The following CD59 variants were observed in gnomAD, a reference collection of about 807,000 sequenced individuals.
CD59 encodes the protein CD59 molecule (CD59 blood group).
In CD59, 3 loss-of-function variants were observed where a neutral mutation model predicts 7.0. The ratio of observed to expected loss-of-function variants is 0.43; its 90% CI spans 0.19 to 1.10. The LOEUF (loss-of-function observed/expected upper bound fraction) is 1.10, where lower values mean the gene tolerates loss of function less well. Ranked by LOEUF, CD59 falls within the 50% of genes least tolerant of loss-of-function variation. The pLI, the probability that CD59 is intolerant of heterozygous loss-of-function variation, is 0.29. For synonymous variants in CD59, 60 were observed against 62.0 expected, an observed-to-expected ratio of 0.97 and a Z score of 0.15; for missense variants, 143 against 151.0, an observed-to-expected ratio of 0.95 and a Z score of 0.28.
chr11:33,729,506 A>T (rs2252927), intron 1 of CD59, among the ~76,000 whole-genome samples: 27 of 151,020 alleles, frequency 1.8e-4, no homozygotes, highest in African/African-American at 6.6e-4. Flanking sequence ...ATCAGACACC[A>T]GGGCCTGTCG....
At position 33,706,533 on chromosome 11, in the gene CD59, G is replaced by C. The variant is rs1018875381; in HGVS notation, c.*3593C>G. ...ATTCTTTGAGGTAGACATAGAAAGT[G>C]AAAGTTCAGAAAGGGTTTAAAAAAA... On this transcript the variant is annotated 3_prime_UTR_variant, in exon 4 of 4. Transcript: ENST00000642928. 1 of 139,176 alleles carries C rather than the reference G, an allele frequency of 7.2e-6. No homozygotes were observed. The allele number at this position is 139,176 out of a possible 1,614,324, so 8.6% of individuals were successfully genotyped here. A position where few individuals can be genotyped will look rare whatever the true frequency, so the allele number is the denominator to read the frequency against.
chr11:33,720,371 G>A (rs1854001398), intron 2 of CD59, among the ~76,000 whole-genome samples: 2 of 152,122 alleles, frequency 1.3e-5, no homozygotes, highest in African/African-American at 4.8e-5. Flanking sequence ...GGAAGAGAAG[G>A]AAACTCTAGA....
chr11:33,710,283 G>A lies in CD59; in HGVS notation c.230C>T (p.Thr77Ile), dbSNP rs1853485378. 4 of 1,614,192 alleles carry A rather than the reference G, an allele frequency of 2.5e-6. No individual in the cohort carries two copies. The highest frequency in any genetic ancestry group is 3.4e-6 in the Non-Finnish European group (4 of 1,180,020). The change falls in exon 4 of 4, where the codon ACC (threonine) becomes ATC (isoleucine). Residue 77 changes from threonine (T) to isoleucine (I), a missense_variant. Coordinates refer to ENST00000642928, the MANE Select transcript of CD59 (RefSeq NM_000611.6). ...FEHCNFNDVT[T>I]RLRENELTYY... is the part of the protein sequence containing the mutation. ...CGTTAGCTCATTTTCCCTCAAGCGG[G>A]TTGTGACGTCGTTGAAATTGCAATG...
At position 33,706,281 on chromosome 11, in the gene CD59, T is replaced by G. The variant is rs945005584; in HGVS notation, c.*3845A>C. ...TATAAACAGGAAGCTTTAGTTTAGA[T>G]AAATAAGATTATCCATTACAAAAAT... On this transcript the variant is annotated 3_prime_UTR_variant, in exon 4 of 4. Coordinates refer to ENST00000642928, the MANE Select transcript of CD59 (RefSeq NM_000611.6). 6.6e-5 allele frequency: 10 copies of G among 152,182 alleles called. No individual in the cohort carries two copies. The highest frequency in any genetic ancestry group is 2.4e-4 in the African/African-American group (10 of 41,430). The allele number at this position is 152,182 out of a possible 1,614,324, so 9.4% of individuals were successfully genotyped here. A position where few individuals can be genotyped will look rare whatever the true frequency, so the allele number is the denominator to read the frequency against.
rs1378810269 is a variant in CD59, at chr11:33,736,267, C to G, written c.-19+115G>C. On this transcript the variant is annotated intron_variant, in intron 1 of 3. Transcript: ENST00000642928. The surrounding 1 kb of genome is among the most constrained non-coding windows in gnomAD (Gnocchi z 4.4). ...CTCGGGAGGCTCGCCCGGCAGGGGTCGAGTGGAAAGCGAGGACGGGGGTAG... is the reference window on the plus strand; with the variant it reads ...CTCGGGAGGCTCGCCCGGCAGGGGTGGAGTGGAAAGCGAGGACGGGGGTAG... The G allele has an allele frequency of 6.6e-6, 1 of 152,396 alleles. No individual in the cohort carries two copies. The highest frequency in any genetic ancestry group is 1.5e-5 in the Non-Finnish European group (1 of 68,192). The allele number at this position is 152,396 out of a possible 1,614,324, so 9.4% of individuals were successfully genotyped here.
In CD59 at chr11:33,710,148, G is replaced by A. The variant is rs778646046; in HGVS notation, c.365C>T (p.Ala122Val). The change falls in exon 4 of 4, where the codon GCA becomes GTA. Residue 122 changes from alanine (A) to valine (V), a missense_variant. Physicochemically the swap from Ala to Val is moderately conservative, Grantham distance 64. Transcript: ENST00000642928. The part of the protein sequence containing the change: ...VLLLVTPFLA[A>V]AWSLHP The stretch of plus-strand genomic sequence containing the variant: ...GACTTAGGGATGAAGGCTCCAGGCT[G>A]CTGCCAGAAATGGAGTCACCAGCAG... 2 of 1,613,448 alleles carry A rather than the reference G, an allele frequency of 1.2e-6. No homozygotes were observed. Among genetic ancestry groups the A allele is most frequent in the Non-Finnish European group, 1.7e-6 (2 of 1,179,682 alleles).
In CD59 at chr11:33,706,286, A is replaced by G. The variant is rs1380595835; in HGVS notation, c.*3840T>C. The G allele has an allele frequency of 1.3e-5, 2 of 152,198 alleles. No homozygotes were observed. Among genetic ancestry groups the G allele is most frequent in the Non-Finnish European group, 2.9e-5 (2 of 68,040 alleles). 9.4% of individuals were successfully genotyped at this position (152,198 alleles called of 1,614,324 possible). A position where few individuals can be genotyped will look rare whatever the true frequency, so the allele number is the denominator to read the frequency against. On this transcript the variant is annotated 3_prime_UTR_variant, in exon 4 of 4. Coordinates refer to ENST00000642928, the MANE Select transcript of CD59 (RefSeq NM_000611.6). ...ACAGGAAGCTTTAGTTTAGATAAAT[A>G]AGATTATCCATTACAAAAATTTTAT...
At position 33,708,874 on chromosome 11, in the gene CD59, A is replaced by G. The variant is rs566682088; in HGVS notation, c.*1252T>C. 1 of 152,210 alleles carries G rather than the reference A, an allele frequency of 6.6e-6. No homozygotes were observed. Among genetic ancestry groups the G allele is most frequent in the Non-Finnish European group, 1.5e-5 (1 of 68,040 alleles). The allele number at this position is 152,210 out of a possible 1,614,324, so 9.4% of individuals were successfully genotyped here. A position where few individuals can be genotyped will look rare whatever the true frequency, so the allele number is the denominator to read the frequency against. ...ATCATTCATTGCACTCGGTTTGTCC[A>G]ACAGAGTATAATCAAGGGTTTTTTT... is the stretch of plus-strand genomic sequence containing the variant. On this transcript the variant is annotated 3_prime_UTR_variant, in exon 4 of 4. Coordinates refer to ENST00000642928, the MANE Select transcript of CD59 (RefSeq NM_000611.6).
intron 1 of CD59, among the ~76,000 whole-genome samples, chr11:33,725,285 G>GAAAA (rs35899420): frequency 1.2e-5 from 1 of 86,462 alleles, no homozygotes; most frequent in Non-Finnish European, 2.5e-5. Context: ...CCATTTTAAG[G>GAAAA]AAAAAAAAAA....
chr11:33,719,494 T>C (rs193141018), intron 2 of CD59: 1 of 152,280 alleles, frequency 6.6e-6, no homozygotes, highest in Admixed American at 6.5e-5. Context: ...TGGTGGTACA[T>C]GCCTGTAATC....
In CD59 at chr11:33,710,220, T is replaced by C. The variant is rs1465427041; in HGVS notation, c.293A>G (p.Glu98Gly). The part of the protein sequence containing the change: ...CCKKDLCNFN[E>G]QLENGGTSLS... ...GGATGTCCCACCATTTTCAAGCTGT[T>C]CGTTAAAGTTACACAGGTCCTTCTT... is the stretch of plus-strand genomic sequence containing the variant. The change falls in exon 4 of 4, where the codon GAA (glutamate) becomes GGA (glycine). Residue 98 changes from glutamate (E) to glycine (G), a missense_variant. Physicochemically the swap from Glu to Gly is moderately conservative, Grantham distance 98 (BLOSUM62 -2). Transcript: ENST00000642928. 6.2e-7 allele frequency: 1 copy of C among 1,614,186 alleles called. No homozygotes were observed. The highest frequency in any genetic ancestry group is 8.5e-7 in the Non-Finnish European group (1 of 1,180,020).
At chr11:33,732,189 T>C (rs972424809) in intron 1 of CD59, among the ~76,000 whole-genome samples, 3 of 150,254 alleles carry the variant, frequency 2.0e-5, no homozygotes, top group Non-Finnish European at 4.4e-5. Context: ...TATGTCTTTA[T>C]CAGCAGCATG....
chr11:33,706,276 T>G lies in CD59; in HGVS notation c.*3850A>C, dbSNP rs756621490. The G allele has an allele frequency of 1.3e-5, 2 of 152,082 alleles. No homozygotes were observed. Among genetic ancestry groups the G allele is most frequent in the Non-Finnish European group, 2.9e-5 (2 of 68,022 alleles). 9.4% of individuals were successfully genotyped at this position (152,082 alleles called of 1,614,324 possible). A position where few individuals can be genotyped will look rare whatever the true frequency, so the allele number is the denominator to read the frequency against. On this transcript the variant is annotated 3_prime_UTR_variant, in exon 4 of 4. Coordinates refer to ENST00000642928, the MANE Select transcript of CD59 (RefSeq NM_000611.6). The stretch of plus-strand genomic sequence containing the variant: ...GTGTGTATAAACAGGAAGCTTTAGT[T>G]TAGATAAATAAGATTATCCATTACA...
At chr11:33,722,894 C>T (rs1191013673) in intron 1 of CD59, 2 of 1,039,672 alleles carry the variant, frequency 1.9e-6, no homozygotes, top group Non-Finnish European at 2.4e-6. Flanking sequence ...AGCAGTGGAA[C>T]AGGGAGCAAT....
chr11:33,723,297 T>C (rs1385602646), intron 1 of CD59, among the ~76,000 whole-genome samples: 1 of 152,158 alleles, frequency 6.6e-6, no homozygotes, highest in Non-Finnish European at 1.5e-5. Flanking sequence ...GATGGGTTCT[T>C]GGAAGGGTGA....
chr11:33,712,293 T>G (rs831619), intron 3 of CD59, among the ~76,000 whole-genome samples: 1 of 152,082 alleles, frequency 6.6e-6, no homozygotes, highest in Non-Finnish European at 1.5e-5. Flanking sequence ...TTATCGTAGT[T>G]TGAATTGAAA....
chr11:33,729,334 T>C (rs1378169660), intron 1 of CD59, among the ~76,000 whole-genome samples: 2 of 152,144 alleles, frequency 1.3e-5, no homozygotes, highest in Non-Finnish European at 1.5e-5. Context: ...TATAGTTCTT[T>C]GCAGGAAAAA....
At chr11:33,720,834 G>C (rs977634046) in intron 2 of CD59, among the ~76,000 whole-genome samples, 2 of 152,240 alleles carry the variant, frequency 1.3e-5, no homozygotes, top group African/African-American at 4.8e-5. Flanking sequence ...GGCCATAAGA[G>C]GCAGAGCTCA....
rs1474824494 is a variant in CD59 at position 33,736,323 on chromosome 11, T to TGCC, written c.-19+56_-19+58dup. The TGCC allele has an allele frequency of 6.6e-6, 1 of 152,472 alleles. No homozygotes were observed. Among genetic ancestry groups the TGCC allele is most frequent in the Non-Finnish European group, 1.5e-5 (1 of 68,258 alleles). The allele number at this position is 152,472 out of a possible 1,614,324, so 9.4% of individuals were successfully genotyped here. On this transcript the variant is annotated intron_variant, in intron 1 of 3. Transcript: ENST00000642928. The surrounding 1 kb of genome is among the most constrained non-coding windows in gnomAD (Gnocchi z 4.4). ...ACAGACCCTCCGCCCGGGCCCAGAC[T>TGCC]GCCGCCGCCACCTCGGCTCGGCTCA...
Sources: gnomAD v4.1 joint callset for allele counts (sites outside exome capture counted in the v4.1 genomes callset) on GRCh38, gnomAD v4.1.1 for gene constraint, Gnocchi (gnomAD v3.1) non-coding constraint, MANE v1.5 for transcripts, NCBI Gene and HGNC (gene_info 2026-07-23, HGNC 2026-07-21) for gene names.